CBR4: variants seen among roughly 807,000 people sequenced by gnomAD.
CBR4 encodes the protein carbonyl reductase 4, also known as 3-oxoacyl-[acyl-carrier-protein] reductase.
A neutral mutation model predicts 21.0 loss-of-function variants in CBR4; 22 were observed. The ratio of observed to expected loss-of-function variants is 1.05; its 90% CI spans 0.75 to 1.50. CBR4 has a LOEUF of 1.50. Among genes scored for constraint, CBR4 ranks in the 40% most tolerant of loss-of-function variants. The probability of loss-of-function intolerance (pLI) is 0.00; values close to 1 mark genes in which losing one functional copy is unlikely to be tolerated. For synonymous variants in CBR4, 100 were observed against 104.4 expected (o/e 0.96, Z 0.26); for missense variants, 302 against 286.3 (o/e 1.05, Z -0.40).
chr4:168,952,077 T>A (rs190736073), intron 2 of CBR4, among the ~76,000 whole-genome samples: 2 of 152,336 alleles, frequency 1.3e-5, no homozygotes, highest in East Asian at 1.9e-4. Flanking sequence ...TTGTTTAACA[T>A]AATCCCAGAC....
At chr4:168,959,874 TA>T (rs70961565) in intron 2 of CBR4, among the ~76,000 whole-genome samples, 42 of 143,694 alleles carry the variant, frequency 2.9e-4, no homozygotes, top group African/African-American at 6.7e-4. Flanking sequence ...CAATTTCTAT[TA>T]AAAAAAAAAA....
Position 169,002,055 on chromosome 4 carries a change from T to TA in CBR4, c.535+15dup, listed in dbSNP as rs757952054. On this transcript the variant is annotated intron_variant, in intron 4 of 4. Transcript: ENST00000306193. ...AATAATCATAATCAAGTTATTTTAA[T>TA]AAAGTTTTCACTAACCTGGTGCAAC... The TA allele has an allele frequency of 1.3e-6, 2 of 1,538,572 alleles. No homozygotes were observed. The highest frequency in any genetic ancestry group is 1.8e-6 in the Non-Finnish European group (2 of 1,142,660).
chr4:169,008,023 T>A (rs937441282), intron 1 of CBR4, among the ~76,000 whole-genome samples: 5 of 152,204 alleles, frequency 3.3e-5, no homozygotes, highest in Non-Finnish European at 7.3e-5. Context: ...TTTTTCAAGT[T>A]ATAAAGGCTC....
intron 2 of CBR4, among the ~76,000 whole-genome samples, chr4:168,929,178 G>GGAAT (rs922969704): frequency 6.6e-5 from 10 of 151,916 alleles, no homozygotes; most frequent in Non-Finnish European, 1.2e-4. Context: ...AATGGAACAA[G>GGAAT]GAATGAGATA....
At chr4:168,924,597 G>C (rs1241862384) in intron 2 of CBR4, among the ~76,000 whole-genome samples, 1 of 152,178 alleles carries the variant, frequency 6.6e-6, no homozygotes, top group Non-Finnish European at 1.5e-5. Flanking sequence ...TAAGCTTTTA[G>C]AAGGAAGCTA....
At chr4:168,936,547 G>A (rs551470092) in intron 2 of CBR4, among the ~76,000 whole-genome samples, 1 of 152,256 alleles carries the variant, frequency 6.6e-6, no homozygotes, top group South Asian at 2.1e-4. Context: ...AAAAAGGTTA[G>A]ATGCATTGCT....
chr4:168,968,325 C>T (rs568390776), intron 2 of CBR4, among the ~76,000 whole-genome samples: 1 of 152,318 alleles, frequency 6.6e-6, no homozygotes, highest in South Asian at 2.1e-4. Flanking sequence ...TACTGACTAA[C>T]ATGCTATCAT....
chr4:168,999,468 G>A (rs1204443873), intron 4 of CBR4, among the ~76,000 whole-genome samples: 1 of 151,904 alleles, frequency 6.6e-6, no homozygotes, highest in Non-Finnish European at 1.5e-5. Context: ...CATCAAATCT[G>A]CTAAATATAC....
chr4:168,928,280 G>C (rs1305752518), intron 2 of CBR4: 1 of 182,294 alleles, frequency 5.5e-6, no homozygotes. Context: ...GATTTGCTGG[G>C]TTTGGGATTA....
rs1207705957 is a variant in CBR4 at position 168,918,979 on chromosome 4, G to GTAA, written n.170-24217_170-24215dup. On this transcript the variant is annotated intron_variant and non_coding_transcript_variant, in intron 2 of 3. Coordinates refer to the CBR4 transcript ENST00000509108. ...GAAATGCATACTGAGCTATATGGGG[G>GTAA]TAATGGTATATAAAATCTGGAATTT... Among the ~76,000 whole-genome samples, 10 of 152,148 alleles carry GTAA rather than the reference G, an allele frequency of 6.6e-5. No individual in the cohort carries two copies. The East Asian group carries it at 1.9e-3, about 29-fold the overall frequency.
chr4:169,004,614 A>C (rs1008113055), intron 3 of CBR4, among the ~76,000 whole-genome samples: 2 of 152,122 alleles, frequency 1.3e-5, no homozygotes, highest in African/African-American at 2.4e-5. Flanking sequence ...GCAACTCCTC[A>C]CCCATTTGTT....
intron 4 of CBR4, among the ~76,000 whole-genome samples, chr4:168,997,812 T>C (rs1455662182): frequency 6.6e-6 from 1 of 152,174 alleles, no homozygotes; most frequent in African/African-American, 2.4e-5. Flanking sequence ...CTATTTGATG[T>C]ATCTGCCAGA....
intron 2 of CBR4, among the ~76,000 whole-genome samples, chr4:168,967,699 T>C (rs1258059798): frequency 1.3e-5 from 2 of 152,186 alleles, no homozygotes. Flanking sequence ...CAGTCTGTAC[T>C]GGAGCAGGTG....
Position 169,009,947 on chromosome 4 carries a change from C to G in CBR4, c.142+1G>C. 1 of 1,610,572 alleles carries G rather than the reference C, an allele frequency of 6.2e-7. No individual in the cohort carries two copies. Among genetic ancestry groups the G allele is most frequent in the Non-Finnish European group, 8.5e-7 (1 of 1,178,730 alleles). On this transcript the variant is annotated splice_donor_variant, in intron 1 of 4. Coordinates refer to ENST00000306193, the MANE Select transcript of CBR4 (RefSeq NM_032783.5). LOFTEE classifies it high-confidence loss of function. ...CTGGACAACTCCAGTTTGGTACCTA[C>G]CGCCGAGGTCACCGGCGGCGGCTTT... is the stretch of plus-strand genomic sequence containing the variant.
intron 3 of CBR4, among the ~76,000 whole-genome samples, chr4:169,003,709 CAAT>C (rs1320672926): frequency 1.3e-5 from 2 of 152,092 alleles, no homozygotes; most frequent in East Asian, 1.9e-4. Context: ...AAATGTGCAA[CAAT>C]GACAGACTGG....
intron 2 of CBR4, among the ~76,000 whole-genome samples, chr4:168,916,248 C>T (rs906207077): frequency 1.3e-5 from 2 of 152,066 alleles, no homozygotes; most frequent in African/African-American, 4.8e-5. Context: ...CCCATCTCTA[C>T]CAAAAATACA....
intron 2 of CBR4, among the ~76,000 whole-genome samples, chr4:168,906,753 G>C (rs1757891179): frequency 6.6e-6 from 1 of 151,950 alleles, no homozygotes; most frequent in Non-Finnish European, 1.5e-5. Context: ...GCCTCCCAAA[G>C]CACTGGAATT....
chr4:168,920,824 G>A (rs1301986779), intron 2 of CBR4, among the ~76,000 whole-genome samples: 1 of 152,178 alleles, frequency 6.6e-6, no homozygotes, highest in Non-Finnish European at 1.5e-5. Context: ...AACTATGGCT[G>A]CTCCTTGATG....
intron 2 of CBR4, among the ~76,000 whole-genome samples, chr4:168,941,046 T>C (rs900917348): frequency 6.6e-6 from 1 of 152,090 alleles, no homozygotes; most frequent in Non-Finnish European, 1.5e-5. Flanking sequence ...CCATCAATGA[T>C]AGCTGGAAAC....
Sources: gnomAD v4.1 joint callset for allele counts (sites outside exome capture counted in the v4.1 genomes callset) on GRCh38, gnomAD v4.1.1 for gene constraint, MANE v1.5 for transcripts, NCBI Gene and HGNC (gene_info 2026-07-23, HGNC 2026-07-21) for gene names.